Variants in HIPK2 observed in about 807,000 individuals in gnomAD.
The protein encoded by HIPK2 is homeodomain-interacting protein kinase 2.
In HIPK2, 27 loss-of-function variants were observed where a neutral mutation model predicts 113.7. The ratio of observed to expected loss-of-function variants is 0.24; its 90% confidence interval spans 0.17 to 0.33. The LOEUF is 0.33. HIPK2 is among the 10% of genes least tolerant of loss of function. HIPK2 has a pLI of 1.00. For missense variants in HIPK2, 1,257 were observed against 1,588.0 expected (o/e 0.79, Z 3.54); for synonymous variants, 631 against 642.2 (o/e 0.98, Z 0.26).
Position 139,600,539 on chromosome 7 carries a change from C to A in HIPK2, c.2313G>T (p.Leu771Phe). 6.2e-7 allele frequency: 1 copy of A among 1,613,992 alleles called. No individual in the cohort carries two copies. The highest frequency in any genetic ancestry group is 1.1e-5 in the South Asian group (1 of 91,074). ...YNPIMQQPAL[L>F]TGHVTLPAAQ... ...CTGCTGGAAGGGTCACATGACCGGT[C>A]AATAGTGCAGGCTGCTGCATGATGG... The change falls in exon 11 of 15, where the codon TTG becomes TTT. Residue 771 changes from leucine (L) to phenylalanine (F), a missense_variant. Leu to Phe is a conservative substitution (Grantham distance 22, BLOSUM62 0). Coordinates refer to ENST00000406875, the MANE Select transcript of HIPK2 (RefSeq NM_022740.5).
chr7:139,621,925 G>GAAAAAA (rs34446527), intron 6 of HIPK2, among the ~76,000 whole-genome samples: 1 of 75,584 alleles, frequency 1.3e-5, no homozygotes. Context: ...CCTGTCTCAG[G>GAAAAAA]AAAAAAAAAA....
At chr7:139,655,722 C>T (rs1246026200) in intron 2 of HIPK2, among the ~76,000 whole-genome samples, 1 of 152,134 alleles carries the variant, frequency 6.6e-6, no homozygotes, top group Non-Finnish European at 1.5e-5. Context: ...TGTATGATTA[C>T]ATTTGTATTT....
intron 2 of HIPK2, among the ~76,000 whole-genome samples, chr7:139,650,404 C>T (rs1030952360): frequency 4.1e-5 from 6 of 145,316 alleles, no homozygotes; most frequent in African/African-American, 7.6e-5. Flanking sequence ...CTGGGGAACA[C>T]AATAGTAAGT....
At chr7:139,744,597 A>T (rs1382159717) in intron 1 of HIPK2, among the ~76,000 whole-genome samples, 1 of 152,234 alleles carries the variant, frequency 6.6e-6, no homozygotes, top group Non-Finnish European at 1.5e-5. Context: ...AAGCCATTTT[A>T]AAAATAGTCA....
At chr7:139,616,692 T>C (rs1800055991) in intron 7 of HIPK2, among the ~76,000 whole-genome samples, 1 of 152,216 alleles carries the variant, frequency 6.6e-6, no homozygotes, top group Non-Finnish European at 1.5e-5. Flanking sequence ...CAGTACAATA[T>C]AGCCTTCTAG....
chr7:139,697,921 G>A (rs1396376949), intron 2 of HIPK2, among the ~76,000 whole-genome samples: 1 of 148,652 alleles, frequency 6.7e-6, no homozygotes, highest in Non-Finnish European at 1.5e-5. Flanking sequence ...CCAGACTGGA[G>A]TGCATTGGCA....
chr7:139,759,252 C>G (rs1004673520), intron 1 of HIPK2, among the ~76,000 whole-genome samples: 1 of 152,172 alleles, frequency 6.6e-6, no homozygotes, highest in Non-Finnish European at 1.5e-5. Flanking sequence ...CCATTTCTCA[C>G]CTACCAGCAA....
chr7:139,692,839 C>T (rs562663519), intron 2 of HIPK2, among the ~76,000 whole-genome samples: 2 of 152,202 alleles, frequency 1.3e-5, no homozygotes, highest in East Asian at 1.9e-4. Context: ...GGAAGAAGTA[C>T]GGCTCTAAAT....
At position 139,573,372 on chromosome 7, in the gene HIPK2, C is replaced by T. The variant is rs866984851; in HGVS notation, c.3152G>A (p.Arg1051His). The T allele has an allele frequency of 2.5e-6, 4 of 1,603,838 alleles. No individual in the cohort carries two copies. Among genetic ancestry groups the T allele is most frequent in the Admixed American group, 1.7e-5 (1 of 59,950 alleles). The change falls in exon 15 of 15, where the codon CGC becomes CAC. Residue 1051 changes from arginine to histidine, a missense_variant. Physicochemically the swap from Arg to His is conservative, Grantham distance 29. Coordinates refer to ENST00000406875, the MANE Select transcript of HIPK2 (RefSeq NM_022740.5). Reference protein sequence around the residue: ...SQAQQHITTDRTGSHRRQQAY... With the variant: ...SQAQQHITTDHTGSHRRQQAY... The stretch of plus-strand genomic sequence containing the variant: ...CTGCTGCCTTCGGTGGCTCCCAGTG[C>T]GGTCCGTGGTGATGTGCTGCTGAGC...
rs907320070 is a variant in HIPK2, at chr7:139,562,320, T to G, written c.*10607A>C. On this transcript the variant is annotated 3_prime_UTR_variant, in exon 15 of 15. Coordinates refer to ENST00000406875, the MANE Select transcript of HIPK2 (RefSeq NM_022740.5). ...GCTGAGATGACCTGGGAGAGAAAGA[T>G]CTAGGTGAGATGACCCTGGGGAGGG... 5.9e-5 allele frequency: 9 copies of G among 152,186 alleles called. No individual in the cohort carries two copies. Among genetic ancestry groups the G allele is most frequent in the South Asian group, 2.1e-4 (1 of 4,824 alleles). 9.4% of individuals were successfully genotyped at this position (152,186 alleles called of 1,614,324 possible). A position where few individuals can be genotyped will look rare whatever the true frequency, so the allele number is the denominator to read the frequency against.
chr7:139,575,288 A>C lies in HIPK2; in HGVS notation c.2966T>G (p.Val989Gly), dbSNP rs761529257. 40 of 1,564,636 alleles carry C rather than the reference A, an allele frequency of 2.6e-5. No homozygotes were observed. Among genetic ancestry groups the C allele is most frequent in the Non-Finnish European group, 3.0e-5 (35 of 1,154,312 alleles). ...GGAGGACGAGTGGTGACTGGTGTTGACTGTGGCGGGAGGAGAAAGAGGTCA... is the reference window on the plus strand; with the variant it reads ...GGAGGACGAGTGGTGACTGGTGTTGCCTGTGGCGGGAGGAGAAAGAGGTCA... ...VLVECDSLVP[V>G]NTSHHSSSYK... The change falls in exon 14 of 15, where the codon GTC becomes GGC. Residue 989 changes from valine (V) to glycine (G), a missense_variant and splice_region_variant. Around this residue, in one of 5 missense-constraint regions of HIPK2, gnomAD observed 862 missense variants for 1,004.3 expected, o/e 0.86. Coordinates refer to ENST00000406875, the MANE Select transcript of HIPK2 (RefSeq NM_022740.5).
chr7:139,593,853 T>TG (rs1406749753), intron 12 of HIPK2, among the ~76,000 whole-genome samples: 1 of 152,224 alleles, frequency 6.6e-6, no homozygotes, highest in Non-Finnish European at 1.5e-5. Context: ...ACAGAAGGGC[T>TG]GGGGAAGCTC....
At position 139,626,731 on chromosome 7, in the gene HIPK2, G is replaced by C; in HGVS notation, c.1489C>G (p.Arg497Gly). The change falls in exon 6 of 15, where the codon CGG (arginine) becomes GGG (glycine). Residue 497 changes from arginine (R) to glycine (G), a missense_variant. Physicochemically the swap from Arg to Gly is moderately radical, Grantham distance 125. Around this residue, in one of 5 missense-constraint regions of HIPK2, gnomAD observed 862 missense variants for 1,004.3 expected, o/e 0.86. Coordinates refer to ENST00000406875, the MANE Select transcript of HIPK2 (RefSeq NM_022740.5). ...TTCAACAGGTCAATGAACTCCCGCC[G>C]GTCAGCCTTTTCTACCAACATGTCG... is the stretch of plus-strand genomic sequence containing the variant. ...GSDMLVEKAD[R>G]REFIDLLKKM... 1.2e-6 allele frequency: 2 copies of C among 1,613,892 alleles called. No homozygotes were observed. The highest frequency in any genetic ancestry group is 1.7e-6 in the Non-Finnish European group (2 of 1,179,892).
intron 1 of HIPK2, among the ~76,000 whole-genome samples, chr7:139,740,029 C>T (rs1364494577): frequency 2.0e-5 from 3 of 152,118 alleles, no homozygotes; most frequent in Non-Finnish European, 4.4e-5. Flanking sequence ...TTTTATTCCT[C>T]TCGGGTACAT....
chr7:139,607,862 GAA>G (rs745756883), intron 9 of HIPK2, among the ~76,000 whole-genome samples: 1 of 149,918 alleles, frequency 6.7e-6, no homozygotes, highest in Non-Finnish European at 1.5e-5. Context: ...ACCTAAAATG[GAA>G]AAAAAAATCC....
chr7:139,752,670 A>G (rs1280013686), intron 1 of HIPK2, among the ~76,000 whole-genome samples: 1 of 150,100 alleles, frequency 6.7e-6, no homozygotes, highest in Non-Finnish European at 1.5e-5. Context: ...AGCAAATCCT[A>G]TTTCTCACTG....
intron 2 of HIPK2, among the ~76,000 whole-genome samples, chr7:139,698,638 A>G (rs964548754): frequency 8.5e-5 from 13 of 152,212 alleles, no homozygotes; most frequent in Admixed American, 3.3e-4. Context: ...AAAATCCTGA[A>G]ATGATTTTCA....
intron 2 of HIPK2, among the ~76,000 whole-genome samples, chr7:139,660,946 G>A (rs1167295490): frequency 6.6e-6 from 1 of 150,578 alleles, no homozygotes; most frequent in Non-Finnish European, 1.5e-5. Flanking sequence ...GCACGTGGAT[G>A]TTCCCACACC....
chr7:139,600,603 G>A lies in HIPK2; in HGVS notation c.2256-7C>T. On this transcript the variant is annotated splice_polypyrimidine_tract_variant and splice_region_variant and intron_variant, in intron 10 of 14. Transcript: ENST00000406875. ...TCCGTGAGCATGCGTATTTCTGAAAGGCAACCGGGACAACAAGGTGCCTTA... is the reference window on the plus strand; with the variant it reads ...TCCGTGAGCATGCGTATTTCTGAAAAGCAACCGGGACAACAAGGTGCCTTA... The A allele has an allele frequency of 2.5e-6, 4 of 1,613,392 alleles. No individual in the cohort carries two copies. The highest frequency in any genetic ancestry group is 3.4e-6 in the Non-Finnish European group (4 of 1,179,424).
Sources: allele counts gnomAD v4.1 joint callset (sites outside exome capture counted in the v4.1 genomes callset), GRCh38; gene constraint gnomAD v4.1.1; regional missense constraint gnomAD v4.1.1; transcripts MANE v1.5; gene names NCBI Gene and HGNC (gene_info 2026-07-23, HGNC 2026-07-21).